The following CLYBL variants were observed in gnomAD, a reference collection of about 807,000 sequenced individuals.
CLYBL encodes citramalyl-CoA lyase, mitochondrial.
A neutral mutation model predicts 38.9 loss-of-function variants in CLYBL; 31 were observed. That is an observed-to-expected ratio of 0.80 (90% CI 0.60 to 1.08). CLYBL has a LOEUF of 1.08. Among genes scored for constraint, CLYBL ranks in the 50% least tolerant of loss-of-function variants. The pLI is 0.00. For missense variants in CLYBL, 434 were observed against 411.6 expected (o/e 1.05, Z -0.47); for synonymous variants, 171 against 158.6 (o/e 1.08, Z -0.59).
At chr13:99,799,331 A>T (rs1411021634) in intron 2 of CLYBL, among the ~76,000 whole-genome samples, 2 of 152,118 alleles carry the variant, frequency 1.3e-5, no homozygotes, top group African/African-American at 4.8e-5. Flanking sequence ...ACATATATAC[A>T]CATACATATA....
chr13:99,672,089 T>C (rs2047573910), intron 1 of CLYBL, among the ~76,000 whole-genome samples: 1 of 152,242 alleles, frequency 6.6e-6, no homozygotes. Flanking sequence ...CAGAGCTGTA[T>C]TGTTATTAGC....
intron 1 of CLYBL, among the ~76,000 whole-genome samples, chr13:99,621,056 C>G (rs1376605039): frequency 6.6e-6 from 1 of 152,142 alleles, no homozygotes; most frequent in Non-Finnish European, 1.5e-5. Flanking sequence ...CAGGAATTTA[C>G]CAGGTAATCT....
intron 2 of CLYBL, among the ~76,000 whole-genome samples, chr13:99,826,291 G>A (rs771520839): frequency 2.6e-5 from 4 of 152,144 alleles, no homozygotes; most frequent in Non-Finnish European, 5.9e-5. Flanking sequence ...GCAAAACTGG[G>A]GTTTCCTGGA....
intron 1 of CLYBL, among the ~76,000 whole-genome samples, chr13:99,688,840 T>C (rs2139422348): frequency 6.6e-6 from 1 of 152,332 alleles, no homozygotes; most frequent in East Asian, 1.9e-4. Context: ...AAAATTTACA[T>C]TGAAGTGCTA....
chr13:99,625,489 T>G (rs1312139893), intron 1 of CLYBL, among the ~76,000 whole-genome samples: 5 of 152,206 alleles, frequency 3.3e-5, no homozygotes, highest in African/African-American at 9.7e-5. Context: ...AGTAAAAATG[T>G]TAATAATTTG....
intron 1 of CLYBL, among the ~76,000 whole-genome samples, chr13:99,659,415 C>G (rs2047378044): frequency 6.6e-6 from 1 of 152,092 alleles, no homozygotes; most frequent in African/African-American, 2.4e-5. Flanking sequence ...AAATTGCGAC[C>G]CTTCAAACCA....
At chr13:99,739,929 C>G (rs531527577) in intron 1 of CLYBL, among the ~76,000 whole-genome samples, 1 of 152,196 alleles carries the variant, frequency 6.6e-6, no homozygotes, top group Non-Finnish European at 1.5e-5. Flanking sequence ...CAAGATCGTA[C>G]CATTGCACTC....
chr13:99,816,347 G>A (rs1334100275), intron 2 of CLYBL, among the ~76,000 whole-genome samples: 1 of 152,246 alleles, frequency 6.6e-6, no homozygotes, highest in Non-Finnish European at 1.5e-5. Context: ...ATTTTGATGT[G>A]CTATTTAGGA....
At chr13:99,725,718 G>A (rs1484954213) in intron 1 of CLYBL, among the ~76,000 whole-genome samples, 8 of 152,086 alleles carry the variant, frequency 5.3e-5, no homozygotes, top group Admixed American at 3.9e-4. Flanking sequence ...AGGTCTGTTC[G>A]GTATCCGTAC....
At chr13:99,794,102 T>C (rs2049973803) in intron 2 of CLYBL, among the ~76,000 whole-genome samples, 1 of 152,202 alleles carries the variant, frequency 6.6e-6, no homozygotes, top group African/African-American at 2.4e-5. Flanking sequence ...TAAGAGGTTT[T>C]GGTTTGCTAA....
intron 1 of CLYBL, among the ~76,000 whole-genome samples, chr13:99,644,385 G>T (rs2047146553): frequency 6.6e-6 from 1 of 152,030 alleles, no homozygotes; most frequent in Non-Finnish European, 1.5e-5. Flanking sequence ...ATTTTAATAG[G>T]TACATAGTGT....
At chr13:99,766,609 G>T (rs965619512) in intron 1 of CLYBL, among the ~76,000 whole-genome samples, 3 of 151,976 alleles carry the variant, frequency 2.0e-5, no homozygotes, top group African/African-American at 7.3e-5. Flanking sequence ...TTGCATTGAA[G>T]GATTATTCAT....
Position 99,637,962 on chromosome 13 carries a change from C to CTTTTTTTTTTTT in CLYBL, c.62+31213_62+31224dup, listed in dbSNP as rs34513643. The stretch of plus-strand genomic sequence containing the variant: ...ATCTAGTTATCCAAGTCAACAGTGC[C>CTTTTTTTTTTTT]TTTTTTTTTTTTTTTTTTTGAGACA... On this transcript the variant is annotated intron_variant, in intron 1 of 8. Coordinates refer to ENST00000339105, the MANE Select transcript of CLYBL (RefSeq NM_206808.5). 2.5e-3 allele frequency among the ~76,000 whole-genome samples: 236 copies of CTTTTTTTTTTTT among 94,966 alleles called. 23 individuals carry two copies. Among genetic ancestry groups the CTTTTTTTTTTTT allele is most frequent in the East Asian group, 5.1e-3 (12 of 2,356 alleles). The allele number at this position is 94,966 out of a possible 152,430, so 62.3% of individuals were successfully genotyped here.
intron 2 of CLYBL, among the ~76,000 whole-genome samples, chr13:99,808,681 G>C (rs1319781637): frequency 2.0e-5 from 3 of 152,188 alleles, no homozygotes; most frequent in African/African-American, 7.2e-5. Context: ...TATTCAACCT[G>C]AAGTAATCAA....
At chr13:99,902,813 C>A (rs1364421749) in intron 8 of CLYBL, among the ~76,000 whole-genome samples, 1 of 152,234 alleles carries the variant, frequency 6.6e-6, no homozygotes, top group African/African-American at 2.4e-5. Flanking sequence ...AGCACTCCAG[C>A]TTTTTCTTTT....
chr13:99,650,059 A>C (rs1003049203), intron 1 of CLYBL, among the ~76,000 whole-genome samples: 10 of 151,886 alleles, frequency 6.6e-5, no homozygotes, highest in Non-Finnish European at 8.8e-5. Context: ...GTCAGGAGAT[A>C]GAGACCATCA....
At chr13:99,858,007 C>T (rs1421645922) in intron 2 of CLYBL, among the ~76,000 whole-genome samples, 1 of 152,114 alleles carries the variant, frequency 6.6e-6, no homozygotes, top group African/African-American at 2.4e-5. Context: ...ACCCCCAGTG[C>T]TTTCTTTCTC....
At chr13:99,617,273 A>G (rs1404982512) in intron 1 of CLYBL, among the ~76,000 whole-genome samples, 1 of 151,706 alleles carries the variant, frequency 6.6e-6, no homozygotes, top group Non-Finnish European at 1.5e-5. Flanking sequence ...CTCACAGTTC[A>G]CGCTAAAAAT....
chr13:99,634,644 T>C (rs2046993844), intron 1 of CLYBL, among the ~76,000 whole-genome samples: 1 of 150,712 alleles, frequency 6.6e-6, no homozygotes, highest in African/African-American at 2.4e-5. Flanking sequence ...GAATATTTTT[T>C]AATGTGGATG....
Sources: allele counts gnomAD v4.1 joint callset (sites outside exome capture counted in the v4.1 genomes callset), GRCh38; gene constraint gnomAD v4.1.1; transcripts MANE v1.5; gene names NCBI Gene and HGNC (gene_info 2026-07-23, HGNC 2026-07-21).